The following IAH1 variants were observed in gnomAD, a reference collection of about 807,000 sequenced individuals.
IAH1 encodes isoamyl acetate-hydrolyzing esterase 1 homolog.
In IAH1, 24 loss-of-function variants were observed where a neutral mutation model predicts 26.7. The observed-to-expected ratio is 0.90, with a 90% CI of 0.65 to 1.26. The LOEUF (loss-of-function observed/expected upper bound fraction) is 1.26. Among genes scored for constraint, IAH1 ranks in the 50% most tolerant of loss-of-function variants. The pLI, the probability that IAH1 is intolerant of heterozygous loss-of-function variation, is 0.00. For synonymous variants in IAH1, 140 were observed against 118.5 expected, an observed-to-expected ratio of 1.18 and a Z score of -1.18; for missense variants, 300 against 299.9, an observed-to-expected ratio of 1.00 and a Z score of 0.00.
intron 2 of IAH1, among the ~76,000 whole-genome samples, chr2:9,477,123 A>T (rs892458451): frequency 6.6e-6 from 1 of 152,114 alleles, no homozygotes; most frequent in Non-Finnish European, 1.5e-5. Context: ...ACACACAAAC[A>T]ATCTCTTAGA....
the IAH1 span, chr2:9,502,078 A>C: frequency 3.3e-5 from 36 of 1,077,444 alleles, no homozygotes; most frequent in Admixed American, 7.7e-4. Context: ...ATTAAAAATA[A>C]GGTGTCTCTC....
At chr2:9,491,143 T>G, downstream of IAH1, 1 of 1,612,928 alleles carries the variant, frequency 6.2e-7, no homozygotes, top group Non-Finnish European at 8.5e-7. Flanking sequence ...GTTTATCCAA[T>G]TTCTTATCCT....
chr2:9,505,484 T>C, the IAH1 span: 4 of 1,042,104 alleles, frequency 3.8e-6, no homozygotes, highest in Non-Finnish European at 5.6e-6. Context: ...AGAGCCACCC[T>C]GGAGTTATGG....
downstream of IAH1, among the ~76,000 whole-genome samples, chr2:9,501,178 A>T (rs1028569608): frequency 2.6e-5 from 4 of 152,216 alleles, no homozygotes; most frequent in Non-Finnish European, 4.4e-5. Context: ...TTCACAGGAG[A>T]AATCTGAATA....
At chr2:9,504,140 G>C in the IAH1 span, among the ~76,000 whole-genome samples, 2 of 151,788 alleles carry the variant, frequency 1.3e-5, 1 homozygote, top group Admixed American at 1.3e-4. Context: ...AACAGACTGA[G>C]ACCCTGTCTC....
intron 5 of IAH1, 70 bp from the exon 6 acceptor site, chr2:9,488,077 T>C: frequency 9.5e-7 from 1 of 1,057,560 alleles, no homozygotes; most frequent in South Asian, 1.8e-5. Flanking sequence ...CCCCAAAGTG[T>C]TGGAATGACA....
chr2:9,510,325 C>G, the IAH1 span, among the ~76,000 whole-genome samples: 1 of 152,074 alleles, frequency 6.6e-6, no homozygotes, highest in Non-Finnish European at 1.5e-5. Flanking sequence ...TTGAGGCCAG[C>G]CTGGGTAACA....
chr2:9,477,804 T>C (rs1660910562), intron 2 of IAH1, among the ~76,000 whole-genome samples: 1 of 151,846 alleles, frequency 6.6e-6, no homozygotes, highest in South Asian at 2.1e-4. Flanking sequence ...ACCAGAAATC[T>C]CAAATATTCT....
chr2:9,503,873 C>G, the IAH1 span, among the ~76,000 whole-genome samples: 2 of 150,422 alleles, frequency 1.3e-5, no homozygotes, highest in Non-Finnish European at 3.0e-5. Flanking sequence ...ATTATTTGGG[C>G]CAGGCATGGT....
At chr2:9,495,322 G>C (rs969846713) in intron 6 of IAH1, among the ~76,000 whole-genome samples, 3 of 152,376 alleles carry the variant, frequency 2.0e-5, no homozygotes, top group Admixed American at 2.0e-4. Context: ...TGTGAGCCAT[G>C]TGGGCATACA....
downstream of IAH1, chr2:9,497,318 C>G: frequency 1.9e-6 from 3 of 1,579,204 alleles, no homozygotes; most frequent in Non-Finnish European, 2.6e-6. Context: ...GTGCATAATA[C>G]GCTGTTTCTC....
intron 3 of IAH1, 82 bp downstream of exon 3, chr2:9,478,452 C>G: frequency 2.3e-6 from 3 of 1,318,790 alleles, no homozygotes; most frequent in Non-Finnish European, 3.1e-6. Context: ...ATACTTTTTT[C>G]AACTGTTTAC....
At chr2:9,492,844 G>T, downstream of IAH1, 2 of 1,456,312 alleles carry the variant, frequency 1.4e-6, no homozygotes, top group East Asian at 2.5e-5. Context: ...TACATGGTTG[G>T]AGTTGATCAA....
At chr2:9,476,423 T>C (rs943324077) in intron 2 of IAH1, among the ~76,000 whole-genome samples, 3 of 152,252 alleles carry the variant, frequency 2.0e-5, no homozygotes, top group Non-Finnish European at 4.4e-5. Flanking sequence ...ACTCACCTTG[T>C]CACAATTCTA....
chr2:9,492,698 A>G (rs555618598), downstream of IAH1, among the ~76,000 whole-genome samples: 14 of 152,206 alleles, frequency 9.2e-5, no homozygotes, highest in Non-Finnish European at 1.9e-4. Flanking sequence ...ACCAACACAC[A>G]AAAATAGTAT....
intron 4 of IAH1, among the ~76,000 whole-genome samples, chr2:9,483,695 G>A (rs1661312022): frequency 6.6e-6 from 1 of 152,030 alleles, no homozygotes; most frequent in Admixed American, 6.6e-5. Flanking sequence ...AACCAACCTA[G>A]CACAATCCCC....
chr2:9,505,239 G>A, the IAH1 span: 720 of 1,614,098 alleles, frequency 4.5e-4, 2 homozygotes, highest in Admixed American at 2.6e-3. Context: ...ATGATGCCAG[G>A]ATCACACTCT....
At chr2:9,474,056 C>T (rs1276018703), upstream of IAH1, among the ~76,000 whole-genome samples, 1 of 152,134 alleles carries the variant, frequency 6.6e-6, no homozygotes, top group Non-Finnish European at 1.5e-5. The surrounding 1 kb of genome is among the most constrained non-coding windows in gnomAD (Gnocchi z 4.3). Context: ...AGCTGCTTTC[C>T]CTTGTCATTC....
intron 2 of IAH1, among the ~76,000 whole-genome samples, chr2:9,477,330 T>C (rs1214527637): frequency 6.6e-6 from 1 of 152,154 alleles, no homozygotes; most frequent in South Asian, 2.1e-4. Context: ...ATGAACCATA[T>C]TGATTTACTA....
Sources: gnomAD v4.1 joint callset for allele counts (sites outside exome capture counted in the v4.1 genomes callset) on GRCh38, gnomAD v4.1.1 for gene constraint, Gnocchi (gnomAD v3.1) non-coding constraint, MANE v1.5 for transcripts, NCBI Gene and HGNC (gene_info 2026-07-23, HGNC 2026-07-21) for gene names.